The following LIMCH1 variants were observed in gnomAD, a reference collection of about 807,000 sequenced individuals.
The protein encoded by LIMCH1 is LIM and calponin homology domains 1, also known as LIM and calponin homology domains-containing protein 1.
In LIMCH1, 113 loss-of-function variants were observed where a neutral mutation model predicts 176.5. The observed-to-expected ratio is 0.64, with a 90% CI of 0.55 to 0.75. The LOEUF is 0.75. Among genes scored for constraint, LIMCH1 ranks in the 30% least tolerant of loss-of-function variants. The probability of loss-of-function intolerance (pLI) is 0.00; values close to 1 mark genes in which losing one functional copy is unlikely to be tolerated. For synonymous variants in LIMCH1, 619 were observed against 645.9 expected (o/e 0.96, Z 0.63); for missense variants, 1,674 against 1,814.9 (o/e 0.92, Z 1.41).
At chr4:41,419,576 TTCCTTCCTTCCTTCCTTCCTTCCTTCCG>T (rs1561308932) in intron 1 of LIMCH1, among the ~76,000 whole-genome samples, 23 of 90,938 alleles carry the variant, frequency 2.5e-4, no homozygotes, top group African/African-American at 1.8e-3. Flanking sequence ...CCTTCCTTCC[TTCCTTCCTTCCTTCCTTCCTTCCTTCCG>T]TCCTTCCTTC....
At chr4:41,692,822 T>A (rs1359400520) in intron 31 of LIMCH1, 1 of 158,372 alleles carries the variant, frequency 6.3e-6, no homozygotes, top group Non-Finnish European at 1.4e-5. Flanking sequence ...CATTCAGGAG[T>A]TTCATTACGT....
At chr4:41,607,324 C>A (rs762346658) in intron 4 of LIMCH1, among the ~76,000 whole-genome samples, 19 of 152,330 alleles carry the variant, frequency 1.2e-4, no homozygotes, top group Admixed American at 3.9e-4. Flanking sequence ...TGGCTAAGGC[C>A]AGTCTGGCTC....
intron 1 of LIMCH1, among the ~76,000 whole-genome samples, chr4:41,390,176 A>G (rs1022195222): frequency 4.0e-5 from 6 of 149,258 alleles, no homozygotes; most frequent in Non-Finnish European, 7.4e-5. Context: ...TCACTCCACT[A>G]CTTTCTGAAG....
rs183118593 is a variant in LIMCH1 at position 41,684,995 on chromosome 4, T to G, written c.3967+477T>G. ...CTCACCATAGCAAAATTCAAATGTA[T>G]TCCTCGCAAAAATGATCAAATTCTA... On this transcript the variant is annotated intron_variant, in intron 27 of 31. Transcript: ENST00000503057. 7.4e-3 allele frequency among the ~76,000 whole-genome samples: 1,124 copies of G among 152,232 alleles called. 5 individuals are homozygous for G. Among genetic ancestry groups the G allele is most frequent in the South Asian group, 0.021 (102 of 4,816 alleles).
At chr4:41,472,264 G>A (rs137958996) in intron 1 of LIMCH1, among the ~76,000 whole-genome samples, 12 of 152,100 alleles carry the variant, frequency 7.9e-5, no homozygotes, top group African/African-American at 2.7e-4. Flanking sequence ...ACATGTAGGC[G>A]CCTGTTTGGC....
intron 1 of LIMCH1, among the ~76,000 whole-genome samples, chr4:41,582,757 A>G (rs974419691): frequency 6.6e-6 from 1 of 152,224 alleles, no homozygotes; most frequent in Non-Finnish European, 1.5e-5. Flanking sequence ...AATGCCCTCA[A>G]TAAGTCAGTA....
chr4:41,664,031 C>A (rs1409945424), intron 20 of LIMCH1, among the ~76,000 whole-genome samples: 2 of 151,936 alleles, frequency 1.3e-5, no homozygotes, highest in African/African-American at 4.8e-5. Flanking sequence ...CACAGCTAGA[C>A]CCCATCTCAA....
chr4:41,634,367 A>ATTTTTTTTTTTTTTTTTTTTTTTT (rs1199310455), intron 13 of LIMCH1, among the ~76,000 whole-genome samples: 1 of 152,144 alleles, frequency 6.6e-6, no homozygotes, highest in African/African-American at 2.4e-5. Flanking sequence ...AAAGTGATAC[A>ATTTTTTTTTTTTTTTTTTTTTTTT]TTTTTGTTAA....
intron 30 of LIMCH1, among the ~76,000 whole-genome samples, chr4:41,690,060 G>A (rs1724235736): frequency 6.6e-6 from 1 of 152,104 alleles, no homozygotes; most frequent in Non-Finnish European, 1.5e-5. Flanking sequence ...CAATTAAGTG[G>A]CTAGTTAGAA....
intron 18 of LIMCH1, among the ~76,000 whole-genome samples, chr4:41,657,995 G>A (rs2094508715): frequency 6.6e-6 from 1 of 152,190 alleles, no homozygotes; most frequent in African/African-American, 2.4e-5. Flanking sequence ...GTGATAGATT[G>A]CCTCTCATGT....
intron 2 of LIMCH1, among the ~76,000 whole-genome samples, chr4:41,521,495 G>C (rs190041597): frequency 6.6e-6 from 1 of 152,138 alleles, no homozygotes; most frequent in African/African-American, 2.4e-5. Context: ...GGATGGCATA[G>C]TGGTTTTTAA....
chr4:41,672,673 C>G (rs992677359), intron 22 of LIMCH1, among the ~76,000 whole-genome samples: 4 of 152,124 alleles, frequency 2.6e-5, no homozygotes, highest in South Asian at 2.1e-4. Flanking sequence ...GTGGACATTC[C>G]TTGCTGCTGC....
At chr4:41,635,789 A>C (rs1312741497) in intron 13 of LIMCH1, among the ~76,000 whole-genome samples, 1 of 152,248 alleles carries the variant, frequency 6.6e-6, no homozygotes, top group Non-Finnish European at 1.5e-5. Flanking sequence ...TTCATGATAT[A>C]GAAATAGATA....
chr4:41,676,115 C>G (rs1228647131), intron 22 of LIMCH1, among the ~76,000 whole-genome samples: 1 of 152,210 alleles, frequency 6.6e-6, no homozygotes, highest in Non-Finnish European at 1.5e-5. Context: ...GAAGCAAAGC[C>G]TTCCAATGCC....
chr4:41,406,821 AT>A (rs1217043076), intron 1 of LIMCH1, among the ~76,000 whole-genome samples: 1 of 152,140 alleles, frequency 6.6e-6, no homozygotes, highest in African/African-American at 2.4e-5. Context: ...CGGGATATAT[AT>A]TCATTATTAG....
At chr4:41,465,061 T>A (rs796274645) in intron 1 of LIMCH1, among the ~76,000 whole-genome samples, 7 of 152,324 alleles carry the variant, frequency 4.6e-5, no homozygotes, top group African/African-American at 1.7e-4. Context: ...ACATCAAACT[T>A]GCAAACTTTT....
chr4:41,394,955 T>C (rs1429497702), intron 1 of LIMCH1, among the ~76,000 whole-genome samples: 1 of 152,214 alleles, frequency 6.6e-6, no homozygotes, highest in Admixed American at 6.5e-5. Context: ...TTCACTTTTT[T>C]CTTTGGCCAA....
chr4:41,360,724 G>T, upstream of LIMCH1: 1 of 582,802 alleles, frequency 1.7e-6, no homozygotes, highest in Non-Finnish European at 2.6e-6. The surrounding 1 kb of genome is among the most constrained non-coding windows in gnomAD (Gnocchi z 4.5). Context: ...GGCCGGGGGC[G>T]GGGAGAGGCG....
intron 1 of LIMCH1, among the ~76,000 whole-genome samples, chr4:41,397,054 C>A (rs1397954035): frequency 1.3e-5 from 2 of 152,230 alleles, no homozygotes; most frequent in Non-Finnish European, 2.9e-5. Flanking sequence ...TCCTAAGCCA[C>A]TCATGGCATT....
Sources: gnomAD v4.1 joint callset for allele counts (sites outside exome capture counted in the v4.1 genomes callset) on GRCh38, gnomAD v4.1.1 for gene constraint, Gnocchi (gnomAD v3.1) non-coding constraint, MANE v1.5 for transcripts, NCBI Gene and HGNC (gene_info 2026-07-23, HGNC 2026-07-21) for gene names.